Variants in BMAL2 observed in about 807,000 individuals in gnomAD.
BMAL2 encodes the protein basic helix-loop-helix ARNT-like protein 2.
the BMAL2 span, among the ~76,000 whole-genome samples, chr12:27,412,098 G>T: frequency 6.6e-6 from 1 of 152,132 alleles, no homozygotes; most frequent in Non-Finnish European, 1.5e-5. Context: ...AGTATTTGTT[G>T]CAAAGACCAT....
At chr12:27,347,116 T>C in the BMAL2 span, among the ~76,000 whole-genome samples, 1 of 152,192 alleles carries the variant, frequency 6.6e-6, no homozygotes, top group Non-Finnish European at 1.5e-5. Context: ...ACCCTTTTTA[T>C]TGATAAATTA....
chr12:27,359,762 CA>C, the BMAL2 span, among the ~76,000 whole-genome samples: 1 of 152,172 alleles, frequency 6.6e-6, no homozygotes, highest in African/African-American at 2.4e-5. Flanking sequence ...CTGTGGTCCT[CA>C]AAGGCTTTGC....
the BMAL2 span, among the ~76,000 whole-genome samples, chr12:27,333,453 C>G: frequency 7.2e-5 from 11 of 152,262 alleles, no homozygotes; most frequent in Non-Finnish European, 1.2e-4. Flanking sequence ...CGCCTCCACC[C>G]ACTGCTGGGC....
At chr12:27,358,419 A>G in the BMAL2 span, among the ~76,000 whole-genome samples, 1 of 152,204 alleles carries the variant, frequency 6.6e-6, no homozygotes, top group East Asian at 1.9e-4. Flanking sequence ...TGTGGTGAAC[A>G]GGGAACACTT....
At chr12:27,387,361 T>A in the BMAL2 span, 2 of 1,375,840 alleles carry the variant, frequency 1.5e-6, no homozygotes, top group Non-Finnish European at 2.1e-6. Flanking sequence ...ATGTTTAATT[T>A]TTTGAACAAA....
At chr12:27,379,546 CAG>C in the BMAL2 span, among the ~76,000 whole-genome samples, 1 of 151,992 alleles carries the variant, frequency 6.6e-6, no homozygotes, top group African/African-American at 2.4e-5. Context: ...GACCAGGAGG[CAG>C]AGAGGCTGTG....
chr12:27,348,055 C>T, the BMAL2 span, among the ~76,000 whole-genome samples: 1 of 152,272 alleles, frequency 6.6e-6, no homozygotes, highest in Admixed American at 6.5e-5. Flanking sequence ...CTCTCTGACA[C>T]CTTGGCATTG....
chr12:27,364,863 T>C, the BMAL2 span, among the ~76,000 whole-genome samples: 1 of 152,168 alleles, frequency 6.6e-6, no homozygotes, highest in African/African-American at 2.4e-5. Flanking sequence ...ATTTATTAGA[T>C]TTATTCTTTA....
the BMAL2 span, among the ~76,000 whole-genome samples, chr12:27,400,947 A>T: frequency 6.6e-6 from 1 of 152,202 alleles, no homozygotes. Context: ...TTAAGCCAAC[A>T]TGTAAACTTG....
At chr12:27,386,990 G>T in the BMAL2 span, among the ~76,000 whole-genome samples, 5 of 152,240 alleles carry the variant, frequency 3.3e-5, no homozygotes, top group East Asian at 9.6e-4. Context: ...TAAATATTCT[G>T]CAGCCAAACT....
the BMAL2 span, among the ~76,000 whole-genome samples, chr12:27,347,447 G>A: frequency 1.3e-5 from 2 of 152,104 alleles, no homozygotes; most frequent in African/African-American, 4.8e-5. Context: ...GTTCCATGAA[G>A]GATTAGTCTC....
chr12:27,343,710 G>T, the BMAL2 span, among the ~76,000 whole-genome samples: 227 of 152,266 alleles, frequency 1.5e-3, 1 homozygote, highest in African/African-American at 5.0e-3. Context: ...TTTCTGTGTT[G>T]ATATAGAACT....
the BMAL2 span, among the ~76,000 whole-genome samples, chr12:27,360,068 A>AT: frequency 0.067 from 10,136 of 151,402 alleles, 456 homozygotes; most frequent in Non-Finnish European, 0.1. Flanking sequence ...AAAAAAAAAA[A>AT]AAAAGTACTA....
At chr12:27,419,195 G>T in the BMAL2 span, among the ~76,000 whole-genome samples, 1 of 152,110 alleles carries the variant, frequency 6.6e-6, no homozygotes, top group South Asian at 2.1e-4. Flanking sequence ...TTTATGCAAA[G>T]TCCAGATCAA....
chr12:27,399,748 T>A, the BMAL2 span, among the ~76,000 whole-genome samples: 1 of 152,218 alleles, frequency 6.6e-6, no homozygotes, highest in Non-Finnish European at 1.5e-5. Flanking sequence ...AAATAATTTT[T>A]ATCAGGCTTT....
the BMAL2 span, chr12:27,333,269 GC>G: frequency 3.1e-6 from 2 of 653,608 alleles, no homozygotes; most frequent in Non-Finnish European, 4.2e-6. Flanking sequence ...GGACAAGGCC[GC>G]CCCGTGGGGC....
chr12:27,371,780 G>C, the BMAL2 span, among the ~76,000 whole-genome samples: 7 of 152,052 alleles, frequency 4.6e-5, no homozygotes, highest in African/African-American at 1.7e-4. Context: ...ACTATTAAGT[G>C]TACAATTAAT....
chr12:27,380,362 A>G, the BMAL2 span: 2 of 1,614,170 alleles, frequency 1.2e-6, no homozygotes, highest in African/African-American at 1.3e-5. Context: ...GGACAAACTT[A>G]CAGTTTTAAG....
chr12:27,345,739 G>A, the BMAL2 span, among the ~76,000 whole-genome samples: 1 of 152,136 alleles, frequency 6.6e-6, no homozygotes, highest in Non-Finnish European at 1.5e-5. Flanking sequence ...CTGGGCTCAA[G>A]CTATCTGCCC....
Sources: gnomAD v4.1 joint callset for allele counts (sites outside exome capture counted in the v4.1 genomes callset) on GRCh38, gnomAD v4.1.1 for gene constraint, MANE v1.5 for transcripts, NCBI Gene and HGNC (gene_info 2026-07-23, HGNC 2026-07-21) for gene names.